The following DMWD variants were observed in gnomAD, a reference collection of about 807,000 sequenced individuals.
DMWD encodes dystrophia myotonica WD repeat-containing protein.
In DMWD, 19 loss-of-function variants were observed where a neutral mutation model predicts 45.8. The ratio of observed to expected loss-of-function variants is 0.41; its 90% CI spans 0.29 to 0.61. The LOEUF is 0.61. DMWD is among the 20% of genes least tolerant of loss of function. DMWD has a pLI of 0.25. For missense variants in DMWD, 802 were observed against 965.2 expected, an observed-to-expected ratio of 0.83 and a Z score of 2.24; for synonymous variants, 515 against 440.5, an observed-to-expected ratio of 1.17 and a Z score of -2.12.
At chr19:45,789,148 C>T (rs1970321973) in intron 2 of DMWD, 1 of 152,220 alleles carries the variant, frequency 6.6e-6, no homozygotes, top group Non-Finnish European at 1.5e-5. Flanking sequence ...GTCTCCCCAG[C>T]TAGACTGAAA....
chr19:45,786,540 C>T lies in DMWD; in HGVS notation c.956G>A (p.Arg319His), dbSNP rs764245481. Residue 319 changes from arginine to histidine, a missense_variant, in exon 3 of 5, where the codon CGT (arginine) becomes CAT (histidine). Arg to His is a conservative substitution (Grantham distance 29). This residue lies in a region of DMWD where 146 missense variants were observed against 212.8 expected (regional missense o/e 0.69). Transcript: ENST00000270223. Reference protein sequence around the residue: ...RVFHFDSMLLRGLMKSYFGGL... With the variant: ...RVFHFDSMLLHGLMKSYFGGL... ...CCCAAAGTAGCTCTTCATGAGCCCACGCAGGAGCATGGAGTCGAAGTGGAA... is the reference window on the plus strand; with the variant it reads ...CCCAAAGTAGCTCTTCATGAGCCCATGCAGGAGCATGGAGTCGAAGTGGAA... 4.3e-6 allele frequency: 7 copies of T among 1,613,976 alleles called. No individual in the cohort carries two copies. Among genetic ancestry groups the T allele is most frequent in the South Asian group, 2.2e-5 (2 of 91,092 alleles).
chr19:45,786,509 C>G lies in DMWD; in HGVS notation c.987G>C (p.Leu329=). ...CGTCAGGGCTCCAGCACACACACAG[C>G]AGGCCCCCAAAGTAGCTCTTCATGA... ...RGLMKSYFGG[L]LCVCWSPDGR... The change falls in exon 3 of 5, where the codon CTG becomes CTC. Residue 329 remains leucine (L), a synonymous_variant. Transcript: ENST00000270223. The G allele has an allele frequency of 6.2e-7, 1 of 1,614,014 alleles. No individual in the cohort carries two copies. Among genetic ancestry groups the G allele is most frequent in the South Asian group, 1.1e-5 (1 of 91,082 alleles).
Position 45,792,366 on chromosome 19 carries a change from C to G in DMWD, c.391G>C (p.Gly131Arg). Residue 131 changes from glycine to arginine, a missense_variant, in exon 1 of 5, where the codon GGC (glycine) becomes CGC (arginine). By Grantham distance (125) the Gly-to-Arg change is moderately radical. Transcript: ENST00000270223. Reference sequence around the variant, plus strand: ...CCTGGGTAGAAATAGAGCTCACGGCCCAAGTTGAAGCAGACGCGGTCTCCC... The same window carrying G: ...CCTGGGTAGAAATAGAGCTCACGGCGCAAGTTGAAGCAGACGCGGTCTCCC... ...SGGDRVCFNLGRELYFYPGCC... is the reference protein window; with the variant it reads ...SGGDRVCFNLRRELYFYPGCC... 1 of 1,609,922 alleles carries G rather than the reference C, an allele frequency of 6.2e-7. No individual in the cohort carries two copies. The highest frequency in any genetic ancestry group is 1.1e-5 in the South Asian group (1 of 90,702).
At chr19:45,787,079 CTGCTGCAAGGTGGCCACAGGG>C in intron 2 of DMWD, 1 of 943,782 alleles carries the variant, frequency 1.1e-6, no homozygotes, top group South Asian at 1.7e-5. Context: ...GAAACAGAGG[CTGCTGCAAGGTGGCCACAGGG>C]TGCTCCAAGG....
rs1257002302 is a variant in DMWD, at chr19:45,784,629, G to C, written c.1977+12C>G. ...CTGAGGTGCTGGGGAAAGAACTCAG[G>C]GACAGTCCTACCTCTACCACTGACT... is the stretch of plus-strand genomic sequence containing the variant. On this transcript the variant is annotated intron_variant, in intron 4 of 4. Transcript: ENST00000270223. 6.2e-7 allele frequency: 1 copy of C among 1,613,416 alleles called. No individual in the cohort carries two copies. The highest frequency in any genetic ancestry group is 8.5e-7 in the Non-Finnish European group (1 of 1,179,572).
At chr19:45,785,517 C>CCT in intron 3 of DMWD, 77 bp downstream of exon 3, 1 of 1,423,962 alleles carries the variant, frequency 7.0e-7, no homozygotes, top group Non-Finnish European at 9.2e-7. Flanking sequence ...GCAACAAAGC[C>CCT]CTCTCTCTGC....
rs1390692842 is a variant in DMWD at position 45,783,071 on chromosome 19, CA to C, written c.*1171del. The C allele has an allele frequency of 3.6e-5, 5 of 137,874 alleles. No homozygotes were observed. In the East Asian group the frequency reaches 1.1e-3, roughly 30 times the overall value. The allele number at this position is 137,874 out of a possible 1,614,324, so 8.5% of individuals were successfully genotyped here. ...GGAGGGGGCACCCTCAGAGCCTGAA[CA>C]GGGGTGACCTGCTGCCCAAAGGCTG... On this transcript the variant is annotated 3_prime_UTR_variant, in exon 5 of 5. Coordinates refer to ENST00000270223, the MANE Select transcript of DMWD (RefSeq NM_004943.2).
chr19:45,785,192 A>T, intron 3 of DMWD: 1 of 1,022,622 alleles, frequency 9.8e-7, no homozygotes, highest in Non-Finnish European at 1.2e-6. Flanking sequence ...CCATGCCCAC[A>T]GGCTTGAGCT....
rs1323596432 is a variant in DMWD at position 45,786,275 on chromosome 19, A to C, written c.1221T>G (p.Ala407=). The C allele has an allele frequency of 6.2e-7, 1 of 1,605,234 alleles. No homozygotes were observed. The highest frequency in any genetic ancestry group is 8.5e-7 in the Non-Finnish European group (1 of 1,174,568). ...CGCCCCCGGCCGAGCCTGTGCCCGC[A>C]GCCTCGGGCTCCTCCTCCTCCTCTT... is the stretch of plus-strand genomic sequence containing the variant. The part of the protein sequence containing the change: ...SGEEEEEEPE[A]AGTGSAGGAP... The change falls in exon 3 of 5, where the codon GCT becomes GCG. Residue 407 remains alanine, a synonymous_variant. Transcript: ENST00000270223.
chr19:45,784,180 G>T lies in DMWD; in HGVS notation c.*63C>A. On this transcript the variant is annotated 3_prime_UTR_variant, in exon 5 of 5. Coordinates refer to ENST00000270223, the MANE Select transcript of DMWD (RefSeq NM_004943.2). The stretch of plus-strand genomic sequence containing the variant: ...GTTAATACGTTGATCTGTGAGGTCA[G>T]CAGGGAGGGTTATGGCTAGGAGGCT... The T allele has an allele frequency of 7.1e-7, 1 of 1,411,000 alleles. No homozygotes were observed. The highest frequency in any genetic ancestry group is 1.0e-6 in the Non-Finnish European group (1 of 1,004,364). The allele number at this position is 1,411,000 out of a possible 1,614,324, so 87.4% of individuals were successfully genotyped here.
chr19:45,787,225 G>C, intron 2 of DMWD: 2 of 335,288 alleles, frequency 6.0e-6, no homozygotes, highest in Non-Finnish European at 5.6e-6. Context: ...TGGCCTGTTA[G>C]GAACCAGGCC....
chr19:45,786,606 C>T lies in DMWD; in HGVS notation c.890G>A (p.Arg297Gln), dbSNP rs758679535. The change falls in exon 3 of 5, where the codon CGG becomes CAG. Residue 297 changes from arginine (R) to glutamine (Q), a missense_variant. This residue lies in a region of DMWD where 146 missense variants were observed against 212.8 expected (regional missense o/e 0.69). Coordinates refer to ENST00000270223, the MANE Select transcript of DMWD (RefSeq NM_004943.2). ...ATCCTGGCTCACACAGGCCAGGTGC[C>T]GGCCATCGGGCGAGAAGGCGAACTC... ...LNEFAFSPDG[R>Q]HLACVSQDGC... is the part of the protein sequence containing the mutation. The T allele has an allele frequency of 3.8e-5, 62 of 1,613,630 alleles. No homozygotes were observed. The highest frequency in any genetic ancestry group is 4.7e-5 in the Non-Finnish European group (56 of 1,179,834).
chr19:45,792,406 C>T lies in DMWD; in HGVS notation c.351G>A (p.Ala117=), dbSNP rs1485798942. ...CGCGGTCTCCCCCCGAGCCCAGCCC[C>T]GCGGGCGTGGCGGGCGGCTCCCCGG... is the stretch of plus-strand genomic sequence containing the variant. The part of the protein sequence containing the change: ...AGAGEPPATP[A]GLGSGGDRVC... The change falls in exon 1 of 5, where the codon GCG becomes GCA. Residue 117 remains alanine, a synonymous_variant. Coordinates refer to ENST00000270223, the MANE Select transcript of DMWD (RefSeq NM_004943.2). 9 of 1,590,526 alleles carry T rather than the reference C, an allele frequency of 5.7e-6. No homozygotes were observed. The highest frequency in any genetic ancestry group is 7.7e-6 in the Non-Finnish European group (9 of 1,169,326).
intron 2 of DMWD, among the ~76,000 whole-genome samples, chr19:45,787,573 G>A (rs946258880): frequency 6.6e-6 from 1 of 152,176 alleles, no homozygotes; most frequent in African/African-American, 2.4e-5. Flanking sequence ...TCACGGAAAG[G>A]CAGCTCCCCA....
Position 45,783,374 on chromosome 19 carries a change from G to A in DMWD, c.*869C>T. 2.6e-6 allele frequency: 1 copy of A among 391,258 alleles called. No individual in the cohort carries two copies. Among genetic ancestry groups the A allele is most frequent in the Non-Finnish European group, 4.5e-6 (1 of 221,846 alleles). 24.2% of individuals were successfully genotyped at this position (391,258 alleles called of 1,614,324 possible). Reference sequence around the variant, plus strand: ...TGGGCCTTGAGAGGGCCAGGCCTGAGAAACTAGGAGGCAAGGACCGAGGAG... The same window carrying A: ...TGGGCCTTGAGAGGGCCAGGCCTGAAAAACTAGGAGGCAAGGACCGAGGAG... On this transcript the variant is annotated 3_prime_UTR_variant, in exon 5 of 5. Coordinates refer to ENST00000270223, the MANE Select transcript of DMWD (RefSeq NM_004943.2).
rs1215974428 is a variant in DMWD, at chr19:45,783,609, G to GTGGGAGGCGCTGGGC, written c.*619_*633dup. The GTGGGAGGCGCTGGGC allele has an allele frequency of 2.5e-6, 1 of 398,974 alleles. No homozygotes were observed. The highest frequency in any genetic ancestry group is 4.4e-6 in the Non-Finnish European group (1 of 226,306). 24.7% of individuals were successfully genotyped at this position (398,974 alleles called of 1,614,324 possible). On this transcript the variant is annotated 3_prime_UTR_variant, in exon 5 of 5. Transcript: ENST00000270223. ...CCGGCTTTTCCTGCTATGAAAAGGGGTGGGAGGCGCTGGGCTGGGAGCAGG... is the reference window on the plus strand; with the variant it reads ...CCGGCTTTTCCTGCTATGAAAAGGGGTGGGAGGCGCTGGGCTGGGAGGCGCTGGGCTGGGAGCAGG...
chr19:45,786,128 CA>C lies in DMWD; in HGVS notation c.1367del (p.Leu456ArgfsTer203), dbSNP rs757402346. 4.2e-5 allele frequency: 65 copies of C among 1,532,938 alleles called. No homozygotes were observed. The highest frequency in any genetic ancestry group is 7.2e-5 in the East Asian group (3 of 41,808). 95.0% of individuals were successfully genotyped at this position (1,532,938 alleles called of 1,614,324 possible). On this transcript the variant is annotated frameshift_variant, in exon 3 of 5. Transcript: ENST00000270223. LOFTEE classifies it high-confidence loss of function. Reference sequence around the variant, plus strand: ...TGCCAGGGAGGGTGCGGGTGCGGGCCAGGGGGGGGTGCGGGTAGAGCACGTC... The same window carrying C: ...TGCCAGGGAGGGTGCGGGTGCGGGCCGGGGGGGGTGCGGGTAGAGCACGTC... ...TEDVLYPHPPLARTRTLPGTP... is the reference protein window; with the variant it reads ...TEDVLYPHPPXARTRTLPGTP...
In DMWD at chr19:45,786,395, G is replaced by A. The variant is rs1970279160; in HGVS notation, c.1101C>T (p.His367=). 1 of 1,613,144 alleles carries A rather than the reference G, an allele frequency of 6.2e-7. No homozygotes were observed. Among genetic ancestry groups the A allele is most frequent in the African/African-American group, 1.3e-5 (1 of 74,924 alleles). The change falls in exon 3 of 5, where the codon CAC becomes CAT. Residue 367 remains histidine, a synonymous_variant. Coordinates refer to ENST00000270223, the MANE Select transcript of DMWD (RefSeq NM_004943.2). ...EGRVVARGHG[H]KSWVNAVAFD... ...AGGCCACAGCGTTGACCCAGGACTTGTGGCCATGGCCTCGAGCCACCACGC... is the reference window on the plus strand; with the variant it reads ...AGGCCACAGCGTTGACCCAGGACTTATGGCCATGGCCTCGAGCCACCACGC...
intron 3 of DMWD, among the ~76,000 whole-genome samples, 196 bp from the exon 4 acceptor site, chr19:45,784,911 G>C (rs755230608): frequency 6.6e-6 from 1 of 152,166 alleles, no homozygotes; most frequent in Non-Finnish European, 1.5e-5. Flanking sequence ...AAGAAGCTGA[G>C]ACACCCAAGA....
Sources: gnomAD v4.1 joint callset for allele counts (sites outside exome capture counted in the v4.1 genomes callset) on GRCh38, gnomAD v4.1.1 for gene constraint, gnomAD v4.1.1 regional missense constraint, MANE v1.5 for transcripts, NCBI Gene and HGNC (gene_info 2026-07-23, HGNC 2026-07-21) for gene names.